Variants in SALL4 observed in about 807,000 individuals in gnomAD.
SALL4 encodes sal-like protein 4.
A neutral mutation model predicts 60.8 loss-of-function variants in SALL4; 4 were observed. That is an observed-to-expected ratio of 0.07 (90% confidence interval 0.03 to 0.15). SALL4 has a LOEUF of 0.15. Among genes scored for constraint, SALL4 ranks in the 10% least tolerant of loss-of-function variants. SALL4 has a pLI of 1.00. For synonymous variants in SALL4, 580 were observed against 574.9 expected, an observed-to-expected ratio of 1.01 and a Z score of -0.13; for missense variants, 1,178 against 1,394.7, an observed-to-expected ratio of 0.84 and a Z score of 2.48.
chr20:51,800,731 C>T (rs1377090914), intron 1 of SALL4, among the ~76,000 whole-genome samples: 2 of 151,272 alleles, frequency 1.3e-5, no homozygotes, highest in East Asian at 2.0e-4. Context: ...CAACCCCCAC[C>T]CCACCCCGCC....
chr20:51,784,082 A>G lies in SALL4; in HGVS notation c.*183T>C. 1 of 680,444 alleles carries G rather than the reference A, an allele frequency of 1.5e-6. No homozygotes were observed. 42.2% of individuals were successfully genotyped at this position (680,444 alleles called of 1,614,324 possible). A position where few individuals can be genotyped will look rare whatever the true frequency, so the allele number is the denominator to read the frequency against. On this transcript the variant is annotated 3_prime_UTR_variant, in exon 4 of 4. Coordinates refer to ENST00000217086, the MANE Select transcript of SALL4 (RefSeq NM_020436.5). The stretch of plus-strand genomic sequence containing the variant: ...TTTTTTTATTTTTTCAACTTTTTGC[A>G]AAGCAGCATAGCAACAATCGTGATT...
At chr20:51,799,608 T>C (rs993763745) in intron 1 of SALL4, among the ~76,000 whole-genome samples, 4 of 152,246 alleles carry the variant, frequency 2.6e-5, no homozygotes, top group African/African-American at 9.6e-5. Flanking sequence ...AAGTCTAACG[T>C]AGAAAGTTGA....
rs537152910 is a variant in SALL4, at chr20:51,792,763, G to C, written c.131-411C>G. Reference sequence around the variant, plus strand: ...TTGTAACTGGGGCTTACTTACTTTAGGGTTAGTGCCAGCCTACACATTGCA... The same window carrying C: ...TTGTAACTGGGGCTTACTTACTTTACGGTTAGTGCCAGCCTACACATTGCA... On this transcript the variant is annotated intron_variant, in intron 1 of 3. Transcript: ENST00000217086. 2.3e-5 allele frequency: 25 copies of C among 1,109,412 alleles called. No homozygotes were observed. The Admixed American group carries it at 9.5e-4, about 42-fold the overall frequency. The allele number at this position is 1,109,412 out of a possible 1,614,324, so 68.7% of individuals were successfully genotyped here.
At chr20:51,800,658 G>T (rs1431501050) in intron 1 of SALL4, among the ~76,000 whole-genome samples, 1 of 152,168 alleles carries the variant, frequency 6.6e-6, no homozygotes, top group Non-Finnish European at 1.5e-5. Flanking sequence ...GAGGAAGCAG[G>T]CGGGCTGAGG....
intron 1 of SALL4, among the ~76,000 whole-genome samples, chr20:51,798,979 C>G (rs1172682893): frequency 6.6e-6 from 1 of 152,070 alleles, no homozygotes; most frequent in Non-Finnish European, 1.5e-5. Flanking sequence ...ACAGGTGCTG[C>G]AATTTAAAAT....
At chr20:51,802,187 A>G (rs2122984997) in intron 1 of SALL4, 92 bp downstream of exon 1, 2 of 1,452,080 alleles carry the variant, frequency 1.4e-6, no homozygotes, top group African/African-American at 1.4e-5. Context: ...TTTGCGCTGG[A>G]CGCCGCCCGC....
chr20:51,792,271 G>C lies in SALL4; in HGVS notation c.212C>G (p.Thr71Arg). The C allele has an allele frequency of 6.2e-7, 1 of 1,612,834 alleles. No individual in the cohort carries two copies. Among genetic ancestry groups the C allele is most frequent in the Non-Finnish European group, 8.5e-7 (1 of 1,180,024 alleles). The change falls in exon 2 of 4, where the codon ACG becomes AGG. Residue 71 changes from threonine to arginine, a missense_variant. By Grantham distance (71) the Thr-to-Arg change is moderately conservative (BLOSUM62 -1). This residue lies in a region of SALL4 where 108 missense variants were observed against 95.7 expected (regional missense o/e 1.13). Transcript: ENST00000217086. ...ATVKRLRREE[T>R]HVCEKCCAEF... ...CGCACAGCATTTCTCACAGACGTGC[G>C]TCTCCTCCCGACGAAGCCGCTTTAC...
Position 51,790,602 on chromosome 20 carries a change from C to G in SALL4, c.1881G>C (p.Ser627=), listed in dbSNP as rs779772588. ...RTNTSIKTQH[S]CPICQKKFTN... is the part of the protein sequence containing the mutation. ...TGAACTTCTTCTGGCAGATGGGGCA[C>G]GAATGCTGCGTCTTAATGGATGTGT... The change falls in exon 2 of 4, where the codon TCG becomes TCC. Residue 627 remains serine, a synonymous_variant. Coordinates refer to ENST00000217086, the MANE Select transcript of SALL4 (RefSeq NM_020436.5). This position sits in a 1 kb window ranked among gnomAD's most constrained non-coding sequence, Gnocchi z 5.5. 2 of 1,613,966 alleles carry G rather than the reference C, an allele frequency of 1.2e-6. No individual in the cohort carries two copies. Among genetic ancestry groups the G allele is most frequent in the Non-Finnish European group, 1.7e-6 (2 of 1,180,040 alleles).
At chr20:51,799,756 T>C (rs2078098939) in intron 1 of SALL4, among the ~76,000 whole-genome samples, 1 of 152,224 alleles carries the variant, frequency 6.6e-6, no homozygotes, top group Non-Finnish European at 1.5e-5. Context: ...CAAAGGGCAT[T>C]TGAAACTCTT....
At chr20:51,792,593 G>A (rs1366388811) in intron 1 of SALL4, among the ~76,000 whole-genome samples, 6 of 143,628 alleles carry the variant, frequency 4.2e-5, no homozygotes, top group African/African-American at 1.0e-4. Context: ...GGAGGCTGAG[G>A]CTCAAGAATT....
At position 51,792,289 on chromosome 20, in the gene SALL4, C is replaced by A; in HGVS notation, c.194G>T (p.Arg65Leu). 2 of 1,610,736 alleles carry A rather than the reference C, an allele frequency of 1.2e-6. No individual in the cohort carries two copies. The highest frequency in any genetic ancestry group is 1.7e-6 in the Non-Finnish European group (2 of 1,180,026). ...VASEDEATVK[R>L]LRREETHVCE... is the part of the protein sequence containing the mutation. ...GACGTGCGTCTCCTCCCGACGAAGC[C>A]GCTTTACTGTGGCTTCATCCTCACT... The change falls in exon 2 of 4, where the codon CGG becomes CTG. Residue 65 changes from arginine to leucine, a missense_variant. Coordinates refer to ENST00000217086, the MANE Select transcript of SALL4 (RefSeq NM_020436.5).
At position 51,790,123 on chromosome 20, in the gene SALL4, G is replaced by A; in HGVS notation, c.2360C>T (p.Ala787Val). 1.2e-6 allele frequency: 2 copies of A among 1,614,174 alleles called. No homozygotes were observed. Among genetic ancestry groups the A allele is most frequent in the Non-Finnish European group, 1.7e-6 (2 of 1,180,038 alleles). The change falls in exon 2 of 4, where the codon GCA (alanine) becomes GTA (valine). Residue 787 changes from alanine (A) to valine (V), a missense_variant. Transcript: ENST00000217086. This position sits in a 1 kb window ranked among gnomAD's most constrained non-coding sequence, Gnocchi z 5.5. Reference protein sequence around the residue: ...PDILETTSFQALSPANSQAES... With the variant: ...PDILETTSFQVLSPANSQAES... ...GGCTTGACTATTGGCCGGGGAGAGT[G>A]CCTGGAAGGATGTGGTTTCCAGGAT...
rs2077979957 is a variant in SALL4 at position 51,784,684 on chromosome 20, C to T, written c.2743G>A (p.Val915Ile). 1 of 1,614,096 alleles carries T rather than the reference C, an allele frequency of 6.2e-7. No homozygotes were observed. Among genetic ancestry groups the T allele is most frequent in the Admixed American group, 1.7e-5 (1 of 60,004 alleles). The stretch of plus-strand genomic sequence containing the variant: ...TTCGCCCCGTGTGTCATGTAGTGAA[C>T]CTATGGGAACAGGACAGAAAGGTTT... ...RAFTTKGNLK[V>I]HYMTHGANNN... is the part of the protein sequence containing the mutation. The change falls in exon 4 of 4, where the codon GTT (valine) becomes ATT (isoleucine). Residue 915 changes from valine (V) to isoleucine (I), a missense_variant and splice_region_variant. Physicochemically the swap from Val to Ile is conservative, Grantham distance 29. Transcript: ENST00000217086.
Position 51,790,869 on chromosome 20 carries a change from C to T in SALL4, c.1614G>A (p.Gly538=). 1.9e-6 allele frequency: 3 copies of T among 1,614,128 alleles called. No homozygotes were observed. Among genetic ancestry groups the T allele is most frequent in the Non-Finnish European group, 2.5e-6 (3 of 1,180,030 alleles). ...YNSPRAGGFQ[G]SGTPEPGSET... is the part of the protein sequence containing the mutation. ...CTGACCCTGGCTCAGGGGTCCCACT[C>T]CCTTGGAAGCCACCAGCCCTTGGGG... is the stretch of plus-strand genomic sequence containing the variant. Residue 538 remains glycine (G), a synonymous_variant, in exon 2 of 4, where the codon GGG becomes GGA. Coordinates refer to ENST00000217086, the MANE Select transcript of SALL4 (RefSeq NM_020436.5). The surrounding 1 kb of genome is among the most constrained non-coding windows in gnomAD (Gnocchi z 5.5).
rs143702441 is a variant in SALL4 at position 51,784,592 on chromosome 20, G to A, written c.2835C>T (p.Asp945=). ...GAAAGATTTCTGAGACTCTTTTTCC[G>A]TCCGTACCTAACAGAGCCATGGTGT... The part of the protein sequence containing the change: ...IENTMALLGT[D]GKRVSEIFPK... Residue 945 remains aspartate (D), a synonymous_variant, in exon 4 of 4, where the codon GAC becomes GAT. Coordinates refer to ENST00000217086, the MANE Select transcript of SALL4 (RefSeq NM_020436.5). 9.8e-5 allele frequency: 158 copies of A among 1,614,070 alleles called. No homozygotes were observed. The highest frequency in any genetic ancestry group is 8.7e-4 in the African/African-American group (65 of 75,014).
intron 1 of SALL4, chr20:51,792,711 G>T: frequency 1.8e-5 from 9 of 497,862 alleles, no homozygotes; most frequent in Non-Finnish European, 2.3e-5. Flanking sequence ...AAAAAAAAAG[G>T]CAAAAAGGCT....
chr20:51,790,372 C>T lies in SALL4; in HGVS notation c.2111G>A (p.Ser704Asn). The T allele has an allele frequency of 6.2e-7, 1 of 1,614,138 alleles. No homozygotes were observed. Among genetic ancestry groups the T allele is most frequent in the Non-Finnish European group, 8.5e-7 (1 of 1,180,038 alleles). ...AAGAGGCGTGGGGACCTTGGAGGAG[C>T]TGCTGGGAGCCTCCTGGGAGCTGAC... ...EEVSSQEAPS[S>N]SSKVPTPLPS... The change falls in exon 2 of 4, where the codon AGC becomes AAC. Residue 704 changes from serine (S) to asparagine (N), a missense_variant. By Grantham distance (46) the Ser-to-Asn change is conservative (BLOSUM62 1). Coordinates refer to ENST00000217086, the MANE Select transcript of SALL4 (RefSeq NM_020436.5). This position sits in a 1 kb window ranked among gnomAD's most constrained non-coding sequence, Gnocchi z 5.5.
Position 51,790,200 on chromosome 20 carries a change from G to A in SALL4, c.2283C>T (p.Asn761=), listed in dbSNP as rs372756084. The A allele has an allele frequency of 3.7e-6, 6 of 1,614,096 alleles. No homozygotes were observed. The highest frequency in any genetic ancestry group is 5.1e-6 in the Non-Finnish European group (6 of 1,180,022). ...NGSVESDGLT[N]DSSSLMGDQE... is the part of the protein sequence containing the mutation. ...GGTCTCCCATCAGCGAGGATGAGTCGTTGGTCAAGCCATCGCTCTCCACGG... is the reference window on the plus strand; with the variant it reads ...GGTCTCCCATCAGCGAGGATGAGTCATTGGTCAAGCCATCGCTCTCCACGG... The change falls in exon 2 of 4, where the codon AAC becomes AAT. Residue 761 remains asparagine (N), a synonymous_variant. Coordinates refer to ENST00000217086, the MANE Select transcript of SALL4 (RefSeq NM_020436.5). The surrounding 1 kb of genome is among the most constrained non-coding windows in gnomAD (Gnocchi z 5.5).
At chr20:51,789,231 C>A in intron 2 of SALL4, 90 bp from the exon 3 acceptor site, 1 of 1,471,142 alleles carries the variant, frequency 6.8e-7, no homozygotes, top group South Asian at 1.3e-5. Flanking sequence ...AAAATAACTG[C>A]CTGCTAGTTT....
Sources: gnomAD v4.1 joint callset for allele counts (sites outside exome capture counted in the v4.1 genomes callset) on GRCh38, gnomAD v4.1.1 for gene constraint, gnomAD v4.1.1 regional missense constraint, Gnocchi (gnomAD v3.1) non-coding constraint, MANE v1.5 for transcripts, NCBI Gene and HGNC (gene_info 2026-07-23, HGNC 2026-07-21) for gene names.